Variants in ANK2 observed in about 807,000 individuals in gnomAD.
The protein encoded by ANK2 is ankyrin 2.
A neutral mutation model predicts 360.5 loss-of-function variants in ANK2; 83 were observed. That is an observed-to-expected ratio of 0.23 (90% CI 0.19 to 0.28). ANK2 has a LOEUF of 0.28. ANK2 is among the 10% of genes least tolerant of loss of function. ANK2 has a pLI of 1.00. For synonymous variants in ANK2, 1,740 were observed against 1,759.5 expected (o/e 0.99, Z 0.28); for missense variants, 4,201 against 4,795.7 (o/e 0.88, Z 3.66).
chr4:113,232,140 T>A (rs1487841488), intron 4 of ANK2, 21 bp from the exon 5 acceptor site: 1 of 1,525,576 alleles, frequency 6.6e-7, no homozygotes, highest in South Asian at 1.1e-5. Flanking sequence ...GAAGGTGTCT[T>A]TTTTTATTGC....
At chr4:113,027,011 T>C (rs908335009) in intron 2 of ANK2, among the ~76,000 whole-genome samples, 1 of 152,030 alleles carries the variant, frequency 6.6e-6, no homozygotes, top group South Asian at 2.1e-4. Context: ...GAAGAAGGGC[T>C]GGGGTGAGAG....
the ANK2 span, among the ~76,000 whole-genome samples, chr4:112,789,933 T>C: frequency 6.6e-6 from 1 of 152,176 alleles, no homozygotes; most frequent in African/African-American, 2.4e-5. Flanking sequence ...ACCAAAAACA[T>C]ACACACCAGA....
rs2096173164 is a variant in ANK2, at chr4:113,360,878, C to T, written c.10737C>T (p.His3579=). 3 of 1,612,694 alleles carry T rather than the reference C, an allele frequency of 1.9e-6. No homozygotes were observed. The highest frequency in any genetic ancestry group is 2.7e-5 in the African/African-American group (2 of 74,986). ...IEERLAYIAD[H]LGFSWTELAR... is the part of the protein sequence containing the mutation. ...AAAGGCTGGCTTATATTGCTGATCACCTTGGCTTCAGCTGGACAGGTAAAA... is the reference window on the plus strand; with the variant it reads ...AAAGGCTGGCTTATATTGCTGATCATCTTGGCTTCAGCTGGACAGGTAAAA... Residue 3579 remains histidine, a synonymous_variant, in exon 39 of 46, where the codon CAC becomes CAT. Coordinates refer to ENST00000357077, the MANE Select transcript of ANK2 (RefSeq NM_001148.6).
At chr4:113,168,529 G>A (rs554944872) in intron 1 of ANK2, among the ~76,000 whole-genome samples, 2 of 152,250 alleles carry the variant, frequency 1.3e-5, no homozygotes, top group East Asian at 3.9e-4. Flanking sequence ...TCATTTAGTA[G>A]CAATCTAAAG....
Position 113,123,807 on chromosome 4 carries a change from C to A in ANK2, c.85-50609C>A, listed in dbSNP as rs529203463. ...ATAAACATTTCCATTCCCCCACCAACCCCTACTCTACTCCATCTTGAAATT... is the reference window on the plus strand; with the variant it reads ...ATAAACATTTCCATTCCCCCACCAAACCCTACTCTACTCCATCTTGAAATT... On this transcript the variant is annotated intron_variant, in intron 1 of 45. Transcript: ENST00000357077. 2.6e-5 allele frequency among the ~76,000 whole-genome samples: 4 copies of A among 152,262 alleles called. No individual in the cohort carries two copies. The East Asian group carries it at 5.8e-4, about 22-fold the overall frequency.
intron 22 of ANK2, among the ~76,000 whole-genome samples, chr4:113,297,210 A>G (rs2072111464): frequency 6.6e-6 from 1 of 152,202 alleles, no homozygotes. Flanking sequence ...ACATAACTAG[A>G]GAAGTGGATT....
At chr4:113,023,711 T>C (rs954584834) in intron 2 of ANK2, among the ~76,000 whole-genome samples, 3 of 152,204 alleles carry the variant, frequency 2.0e-5, no homozygotes, top group Non-Finnish European at 2.9e-5. Context: ...CACTACACCA[T>C]AGGCTGTATG....
the ANK2 span, among the ~76,000 whole-genome samples, chr4:112,766,023 C>T: frequency 2.0e-4 from 30 of 152,194 alleles, no homozygotes; most frequent in Non-Finnish European, 3.1e-4. Flanking sequence ...TACACCAGCA[C>T]GTAGTAGATG....
Position 113,336,021 on chromosome 4 carries a change from G to C in ANK2, c.3555G>C (p.Glu1185Asp), listed in dbSNP as rs368553743. The change falls in exon 30 of 46, where the codon GAG (glutamate) becomes GAC (aspartate). Residue 1185 changes from glutamate to aspartate, a missense_variant. Physicochemically the swap from Glu to Asp is conservative, Grantham distance 45. Coordinates refer to ENST00000357077, the MANE Select transcript of ANK2 (RefSeq NM_001148.6). ...CCCAGGTGCAGGCCGTCTTCCCAGA[G>C]GGGGCACTCACCAAGCGGATCCGCG... The part of the protein sequence containing the change: ...VVPQVQAVFP[E>D]GALTKRIRVG... 9 of 1,614,120 alleles carry C rather than the reference G, an allele frequency of 5.6e-6. No homozygotes were observed. Among genetic ancestry groups the C allele is most frequent in the Non-Finnish European group, 7.6e-6 (9 of 1,180,018 alleles).
At chr4:113,021,466 C>T (rs1295512562) in intron 2 of ANK2, among the ~76,000 whole-genome samples, 1 of 146,912 alleles carries the variant, frequency 6.8e-6, no homozygotes, top group Non-Finnish European at 1.5e-5. Context: ...AAGAATTTTC[C>T]ATATATATAA....
intron 2 of ANK2, among the ~76,000 whole-genome samples, chr4:112,968,652 T>C (rs1362158839): frequency 6.6e-6 from 1 of 152,182 alleles, no homozygotes; most frequent in Non-Finnish European, 1.5e-5. Flanking sequence ...GCAACCACCA[T>C]TATAACATTC....
chr4:113,086,539 C>T (rs2084873008), intron 1 of ANK2, among the ~76,000 whole-genome samples: 1 of 152,206 alleles, frequency 6.6e-6, no homozygotes, highest in Non-Finnish European at 1.5e-5. Flanking sequence ...AGTCCATGCC[C>T]TTGTGGCAAC....
chr4:113,151,488 T>C (rs913440964), intron 1 of ANK2, among the ~76,000 whole-genome samples: 1 of 151,974 alleles, frequency 6.6e-6, no homozygotes, highest in African/African-American at 2.4e-5. Flanking sequence ...GGAACTCTCA[T>C]AGGAACTAAT....
At chr4:112,817,101 C>A (rs1018835610), upstream of ANK2, among the ~76,000 whole-genome samples, 2 of 152,120 alleles carry the variant, frequency 1.3e-5, no homozygotes, top group Admixed American at 1.3e-4. Context: ...GCTGTCTAAG[C>A]GGGCTATGAT....
chr4:112,904,142 T>C (rs2084402987), intron 1 of ANK2, among the ~76,000 whole-genome samples: 2 of 152,202 alleles, frequency 1.3e-5, no homozygotes, highest in African/African-American at 4.8e-5. Context: ...GTAAACATAA[T>C]CTCTCAAGAT....
intron 39 of ANK2, among the ~76,000 whole-genome samples, 186 bp from the exon 40 acceptor site, chr4:113,363,152 G>GA (rs1004268760): frequency 3.3e-5 from 5 of 152,018 alleles, no homozygotes; most frequent in East Asian, 1.9e-4. Flanking sequence ...AGTTTTAGGG[G>GA]AAAAAATCCA....
rs1255040271 is a variant in ANK2 at position 113,355,811 on chromosome 4, A to C, written c.7193A>C (p.Lys2398Thr). The C allele has an allele frequency of 6.2e-7, 1 of 1,614,074 alleles. No individual in the cohort carries two copies. ...AAGACAGATACAGGAACTGAATCAA[A>C]ACCTCAGGGAGTCATTAGAAGTCCC... ...SVKTDTGTESKPQGVIRSPQG... is the reference protein window; with the variant it reads ...SVKTDTGTESTPQGVIRSPQG... Residue 2398 changes from lysine (K) to threonine (T), a missense_variant, in exon 38 of 46, where the codon AAA becomes ACA. Transcript: ENST00000357077.
intron 26 of ANK2, among the ~76,000 whole-genome samples, chr4:113,321,980 C>T (rs1474597691): frequency 6.6e-6 from 1 of 152,178 alleles, no homozygotes; most frequent in Non-Finnish European, 1.5e-5. Flanking sequence ...GATTCACCTG[C>T]CTTGGCCTCC....
At chr4:112,751,810 G>A in the ANK2 span, among the ~76,000 whole-genome samples, 1 of 152,126 alleles carries the variant, frequency 6.6e-6, no homozygotes, top group Non-Finnish European at 1.5e-5. Flanking sequence ...CTTAAGAAGT[G>A]GGGGAAAATT....
Sources: gnomAD v4.1 joint callset for allele counts (sites outside exome capture counted in the v4.1 genomes callset) on GRCh38, gnomAD v4.1.1 for gene constraint, MANE v1.5 for transcripts, NCBI Gene and HGNC (gene_info 2026-07-23, HGNC 2026-07-21) for gene names.